NMBR: variants seen among roughly 807,000 people sequenced by gnomAD.
The protein encoded by NMBR is neuromedin B receptor.
In NMBR, 16 loss-of-function variants were observed where a neutral mutation model predicts 20.5. The observed-to-expected ratio is 0.78, with a 90% CI of 0.53 to 1.19. NMBR has a LOEUF of 1.19. NMBR is among the 50% of genes most tolerant of loss of function. The pLI is 0.00. For missense variants in NMBR, 582 were observed against 499.1 expected, an observed-to-expected ratio of 1.17 and a Z score of -1.58; for synonymous variants, 212 against 196.6, an observed-to-expected ratio of 1.08 and a Z score of -0.65.
chr6:142,091,599 T>C (rs1705090612), intron 1 of NMBR, among the ~76,000 whole-genome samples: 1 of 152,202 alleles, frequency 6.6e-6, no homozygotes, highest in Non-Finnish European at 1.5e-5. Context: ...TTAATGTTTA[T>C]CAATATTCCT....
At chr6:142,105,307 G>A (rs566197369) in intron 1 of NMBR, among the ~76,000 whole-genome samples, 26 of 152,230 alleles carry the variant, frequency 1.7e-4, no homozygotes, top group Non-Finnish European at 3.4e-4. Flanking sequence ...GGTCACAGGC[G>A]ATATGATGGC....
intron 3 of NMBR, among the ~76,000 whole-genome samples, chr6:142,078,304 T>G (rs1776992287): frequency 6.6e-6 from 1 of 152,218 alleles, no homozygotes; most frequent in Non-Finnish European, 1.5e-5. Context: ...TTTCAATACA[T>G]TAATTTCTAA....
chr6:142,091,085 G>A (rs1777313008), intron 1 of NMBR, among the ~76,000 whole-genome samples: 1 of 151,778 alleles, frequency 6.6e-6, no homozygotes, highest in Non-Finnish European at 1.5e-5. Context: ...AATTTTTTTG[G>A]TATTTTATTA....
rs540578633 is a variant in NMBR, at chr6:142,135,468, A to T, written c.-664+11576T>A. On this transcript the variant is annotated intron_variant, in intron 1 of 3. Coordinates refer to ENST00000258042, the MANE Select transcript of NMBR (RefSeq NM_002511.4). The stretch of plus-strand genomic sequence containing the variant: ...AGAAATTGAACAATTACATTTTTAA[A>T]ATTTTATTCAATCGGTTTTCTTTTC... Among the ~76,000 whole-genome samples, 97 of 152,184 alleles carry T rather than the reference A, an allele frequency of 6.4e-4. 2 individuals are homozygous for T. In the South Asian group the frequency reaches 0.015, roughly 24 times the overall value.
At chr6:142,077,872 T>C (rs1776981322) in intron 3 of NMBR, among the ~76,000 whole-genome samples, 1 of 152,252 alleles carries the variant, frequency 6.6e-6, no homozygotes, top group Non-Finnish European at 1.5e-5. Flanking sequence ...TCTTTGTGTA[T>C]TAACACAGTA....
chr6:142,129,816 C>A (rs2114605577), intron 1 of NMBR, among the ~76,000 whole-genome samples: 1 of 152,268 alleles, frequency 6.6e-6, no homozygotes, highest in African/African-American at 2.4e-5. Flanking sequence ...CGAATCCTTT[C>A]ATAATCCACA....
chr6:142,133,764 T>G, intron 1 of NMBR: 1 of 530,088 alleles, frequency 1.9e-6, no homozygotes, highest in Non-Finnish European at 3.4e-6. Context: ...CTCTTACATT[T>G]TTTAAATGTG....
chr6:142,078,489 A>G (rs1776997890), intron 3 of NMBR, 66 bp downstream of exon 3: 1 of 914,792 alleles, frequency 1.1e-6, no homozygotes, highest in Admixed American at 2.5e-5. Flanking sequence ...AGCCCACAAA[A>G]TAAAACAATA....
intron 1 of NMBR, among the ~76,000 whole-genome samples, chr6:142,141,796 C>A (rs371026674): frequency 8.5e-5 from 13 of 152,094 alleles, no homozygotes; most frequent in East Asian, 5.8e-4. Context: ...AGCCACCACG[C>A]CCGGCCTGAA....
At chr6:142,096,116 T>C (rs1582844896) in intron 1 of NMBR, among the ~76,000 whole-genome samples, 1 of 152,314 alleles carries the variant, frequency 6.6e-6, no homozygotes, top group African/African-American at 2.4e-5. Flanking sequence ...CCTGGATTCA[T>C]TGATTTTTTG....
At chr6:142,114,046 C>T (rs1777812925) in intron 1 of NMBR, among the ~76,000 whole-genome samples, 1 of 152,062 alleles carries the variant, frequency 6.6e-6, no homozygotes, top group South Asian at 2.1e-4. Context: ...GCATGAAGAG[C>T]CCAATTACAA....
chr6:142,130,280 A>G (rs1446934654), intron 1 of NMBR, among the ~76,000 whole-genome samples: 1 of 152,138 alleles, frequency 6.6e-6, no homozygotes, highest in African/African-American at 2.4e-5. Flanking sequence ...GAGAAAATAT[A>G]GAGAGGTCAG....
rs1004969468 is a variant in NMBR, at chr6:142,074,892, T to G, written c.*756A>C. Among the ~76,000 whole-genome samples the G allele has an allele frequency of 6.6e-6, 1 of 152,076 alleles. No homozygotes were observed. Among genetic ancestry groups the G allele is most frequent in the Non-Finnish European group, 1.5e-5 (1 of 67,988 alleles). On this transcript the variant is annotated 3_prime_UTR_variant, in exon 4 of 4. Coordinates refer to ENST00000258042, the MANE Select transcript of NMBR (RefSeq NM_002511.4). ...TTTTACATTCATAATATAAATTATATTCATATCATATCTATTTTATAATTC... is the reference window on the plus strand; with the variant it reads ...TTTTACATTCATAATATAAATTATAGTCATATCATATCTATTTTATAATTC...
chr6:142,097,814 G>A (rs1465204418), intron 1 of NMBR, among the ~76,000 whole-genome samples: 2 of 152,082 alleles, frequency 1.3e-5, no homozygotes, highest in Non-Finnish European at 2.9e-5. Context: ...TCTATTCCAT[G>A]TGTTGAAGAA....
chr6:142,102,963 A>C (rs1777592256), intron 1 of NMBR, among the ~76,000 whole-genome samples: 1 of 152,184 alleles, frequency 6.6e-6, no homozygotes, highest in Non-Finnish European at 1.5e-5. Context: ...CTTGGGGAAG[A>C]GCTGTCCATA....
At chr6:142,099,230 T>A (rs1456476163) in intron 1 of NMBR, among the ~76,000 whole-genome samples, 1 of 152,006 alleles carries the variant, frequency 6.6e-6, no homozygotes, top group Non-Finnish European at 1.5e-5. Context: ...TAGAAGAAAA[T>A]CTAGATGAAC....
chr6:142,137,100 T>C (rs1277130940), intron 1 of NMBR, among the ~76,000 whole-genome samples: 3 of 152,244 alleles, frequency 2.0e-5, no homozygotes, highest in African/African-American at 2.4e-5. Context: ...ATGGCCATTT[T>C]CACGATATTG....
chr6:142,080,855 A>C (rs1777079253), intron 2 of NMBR, among the ~76,000 whole-genome samples: 1 of 152,206 alleles, frequency 6.6e-6, no homozygotes, highest in South Asian at 2.1e-4. Flanking sequence ...ATCAAAAACC[A>C]CAAAGGGTAT....
rs774724332 is a variant in NMBR at position 142,088,432 on chromosome 6, C to T, written c.227G>A (p.Ser76Asn). The change falls in exon 2 of 4, where the codon AGC becomes AAC. Residue 76 changes from serine (S) to asparagine (N), a missense_variant. Transcript: ENST00000258042. ...KIFITNSAMRSVPNIFISNLA... is the reference protein window; with the variant it reads ...KIFITNSAMRNVPNIFISNLA... ...GTTAGAGATGAAGATGTTGGGGACG[C>T]TCCTCATGGCGCTGTTGGTGATGAA... 9.9e-6 allele frequency: 16 copies of T among 1,614,084 alleles called. No individual in the cohort carries two copies. In the East Asian group the frequency reaches 3.3e-4, roughly 34 times the overall value.
Sources: allele counts gnomAD v4.1 joint callset (sites outside exome capture counted in the v4.1 genomes callset), GRCh38; gene constraint gnomAD v4.1.1; transcripts MANE v1.5; gene names NCBI Gene and HGNC (gene_info 2026-07-23, HGNC 2026-07-21).